Variants in PKNOX2 observed in about 807,000 individuals in gnomAD.
The protein encoded by PKNOX2 is PBX/knotted 1 homeobox 2.
In PKNOX2, 14 loss-of-function variants were observed where a neutral mutation model predicts 53.1. The observed-to-expected ratio is 0.26, with a 90% confidence interval of 0.17 to 0.41. The LOEUF (loss-of-function observed/expected upper bound fraction) is 0.41. PKNOX2 is among the 10% of genes least tolerant of loss of function. The pLI is 1.00. For synonymous variants in PKNOX2, 257 were observed against 242.8 expected, an observed-to-expected ratio of 1.06 and a Z score of -0.54; for missense variants, 496 against 602.8, an observed-to-expected ratio of 0.82 and a Z score of 1.85.
intron 4 of PKNOX2, among the ~76,000 whole-genome samples, chr11:125,367,392 T>C (rs763821554): frequency 6.6e-6 from 1 of 152,210 alleles, no homozygotes; most frequent in Non-Finnish European, 1.5e-5. Context: ...GACCATAGCC[T>C]GTGGCTTCCA....
At chr11:125,354,377 C>G (rs1477091962) in intron 4 of PKNOX2, among the ~76,000 whole-genome samples, 1 of 152,166 alleles carries the variant, frequency 6.6e-6, no homozygotes, top group Non-Finnish European at 1.5e-5. Flanking sequence ...TACTTGTGGA[C>G]CACGTATGAC....
At chr11:125,411,056 T>C in intron 9 of PKNOX2, 180 bp downstream of exon 9, 1 of 585,844 alleles carries the variant, frequency 1.7e-6, no homozygotes, top group Non-Finnish European at 3.0e-6. Flanking sequence ...TATCAACTCC[T>C]GGGATTTTGC....
chr11:125,427,675 G>A (rs1956497477), intron 10 of PKNOX2, among the ~76,000 whole-genome samples: 1 of 152,104 alleles, frequency 6.6e-6, no homozygotes, highest in Non-Finnish European at 1.5e-5. Context: ...CCATCTCGGG[G>A]ACCTTAGACA....
chr11:125,301,718 TG>T (rs1948081536), intron 2 of PKNOX2, among the ~76,000 whole-genome samples: 1 of 152,092 alleles, frequency 6.6e-6, no homozygotes, highest in African/African-American at 2.4e-5. Context: ...AGTTTGGGTT[TG>T]GTGGACTCAG....
At position 125,393,109 on chromosome 11, in the gene PKNOX2, G is replaced by A. The variant is rs550081338; in HGVS notation, c.400-4765G>A. ...CAGGAGGTGGAGCTTGCAGTGAGTC[G>A]AGATCGCGCCACTGCACTCCAGCCT... On this transcript the variant is annotated intron_variant, in intron 6 of 12. Coordinates refer to ENST00000298282, the MANE Select transcript of PKNOX2 (RefSeq NM_001382323.2). 2.6e-3 allele frequency among the ~76,000 whole-genome samples: 392 copies of A among 149,010 alleles called. 2 individuals carry two copies. Among genetic ancestry groups the A allele is most frequent in the Non-Finnish European group, 3.3e-3 (220 of 67,588 alleles).
In PKNOX2 at chr11:125,348,401, T is replaced by C. The variant is rs113214493; in HGVS notation, c.-22-2883T>C. Among the ~76,000 whole-genome samples the C allele has an allele frequency of 3.0e-3, 455 of 152,356 alleles. 5 individuals carry two copies. Among genetic ancestry groups the C allele is most frequent in the African/African-American group, 0.01 (419 of 41,594 alleles). ...CCTCTAATGAAAAGGCCTCCTGTTC[T>C]CTTGCAGGAGAAGCCCCCAGAGGGT... is the stretch of plus-strand genomic sequence containing the variant. On this transcript the variant is annotated intron_variant, in intron 3 of 12. Transcript: ENST00000298282.
intron 7 of PKNOX2, among the ~76,000 whole-genome samples, chr11:125,402,504 T>C (rs1276173097): frequency 6.6e-6 from 1 of 152,190 alleles, no homozygotes; most frequent in Non-Finnish European, 1.5e-5. Flanking sequence ...TGAATCATGG[T>C]TCTCATTCAA....
At chr11:125,193,720 T>C (rs773638989) in intron 1 of PKNOX2, among the ~76,000 whole-genome samples, 10 of 152,146 alleles carry the variant, frequency 6.6e-5, no homozygotes, top group Admixed American at 1.3e-4. Context: ...GGACTCATCA[T>C]GTGAACCAAG....
At chr11:125,232,984 T>C (rs779508606) in intron 1 of PKNOX2, among the ~76,000 whole-genome samples, 11 of 152,172 alleles carry the variant, frequency 7.2e-5, no homozygotes, top group Non-Finnish European at 1.6e-4. Flanking sequence ...AAAAAGTGGG[T>C]TTGCACGTGG....
At chr11:125,358,238 G>A (rs569327758) in intron 4 of PKNOX2, among the ~76,000 whole-genome samples, 1 of 152,316 alleles carries the variant, frequency 6.6e-6, no homozygotes, top group East Asian at 1.9e-4. Context: ...TACCAGCTAT[G>A]AACACCCCCT....
intron 9 of PKNOX2, chr11:125,411,503 T>TCTCTCTCTCC (rs1565519900): frequency 7.3e-5 from 32 of 440,770 alleles, no homozygotes; most frequent in African/African-American, 6.5e-4. Context: ...TCTCTCTCTC[T>TCTCTCTCTCC]CTCTCTCCCC....
intron 2 of PKNOX2, among the ~76,000 whole-genome samples, chr11:125,278,900 A>G (rs147144822): frequency 2.6e-5 from 4 of 152,342 alleles, no homozygotes; most frequent in South Asian, 2.1e-4. Flanking sequence ...AGAGGCAGGC[A>G]TAGAGTTTGT....
chr11:125,431,695 T>C lies in PKNOX2; in HGVS notation c.*303T>C, dbSNP rs1956710655. 5.3e-6 allele frequency: 2 copies of C among 380,536 alleles called. No individual in the cohort carries two copies. Among genetic ancestry groups the C allele is most frequent in the Non-Finnish European group, 9.7e-6 (2 of 206,382 alleles). The allele number at this position is 380,536 out of a possible 1,614,324, so 23.6% of individuals were successfully genotyped here. A position where few individuals can be genotyped will look rare whatever the true frequency, so the allele number is the denominator to read the frequency against. On this transcript the variant is annotated 3_prime_UTR_variant, in exon 13 of 13. Transcript: ENST00000298282. ...GACTCACCAAATCCCTGAGGATAGA[T>C]GGCACCCATGGCCCCCACCCACGGA...
chr11:125,338,056 C>T (rs1211094263), intron 3 of PKNOX2, among the ~76,000 whole-genome samples: 4 of 152,158 alleles, frequency 2.6e-5, no homozygotes, highest in Non-Finnish European at 5.9e-5. Flanking sequence ...TCAGGTCAGC[C>T]GCAGCAGCTG....
At chr11:125,391,665 G>A (rs1207385289) in intron 6 of PKNOX2, among the ~76,000 whole-genome samples, 1 of 152,184 alleles carries the variant, frequency 6.6e-6, no homozygotes, top group Non-Finnish European at 1.5e-5. Context: ...CCATTTTTGT[G>A]TACTTTCCTG....
intron 10 of PKNOX2, among the ~76,000 whole-genome samples, chr11:125,416,245 G>A (rs1050244453): frequency 7.0e-6 from 1 of 141,984 alleles, no homozygotes; most frequent in East Asian, 2.1e-4. Context: ...GGAGCTTGCA[G>A]TGAGCCGAGA....
At chr11:125,234,849 G>A (rs1942530596) in intron 1 of PKNOX2, among the ~76,000 whole-genome samples, 196 bp from the exon 2 acceptor site, 1 of 151,998 alleles carries the variant, frequency 6.6e-6, no homozygotes, top group African/African-American at 2.4e-5. Context: ...GCCCTGATTA[G>A]GTCTCTAAAC....
At chr11:125,207,268 T>G (rs1270977537) in intron 1 of PKNOX2, among the ~76,000 whole-genome samples, 1 of 152,116 alleles carries the variant, frequency 6.6e-6, no homozygotes, top group African/African-American at 2.4e-5. Flanking sequence ...CCTTTTTTCT[T>G]TTTCTGTCTT....
At chr11:125,398,640 C>T (rs1247167253) in intron 7 of PKNOX2, among the ~76,000 whole-genome samples, 1 of 152,248 alleles carries the variant, frequency 6.6e-6, no homozygotes, top group Non-Finnish European at 1.5e-5. Context: ...CCAGGTTCCC[C>T]TGCCACCTCC....
Sources: allele counts gnomAD v4.1 joint callset (sites outside exome capture counted in the v4.1 genomes callset), GRCh38; gene constraint gnomAD v4.1.1; transcripts MANE v1.5; gene names NCBI Gene and HGNC (gene_info 2026-07-23, HGNC 2026-07-21).